ANKMY2: variants seen among roughly 807,000 people sequenced by gnomAD.
ANKMY2 encodes the protein ankyrin repeat and MYND domain containing 2, also known as ankyrin repeat and MYND domain-containing protein 2.
ANKMY2 carries 36 observed loss-of-function variants against 50.4 expected under a neutral mutation model. That is an observed-to-expected ratio of 0.71 (90% confidence interval 0.55 to 0.94). The LOEUF (loss-of-function observed/expected upper bound fraction) is 0.94, where lower values mean the gene tolerates loss of function less well. Among genes scored for constraint, ANKMY2 ranks in the 40% least tolerant of loss-of-function variants. The pLI, the probability that ANKMY2 is intolerant of heterozygous loss-of-function variation, is 0.00. For missense variants in ANKMY2, 565 were observed against 524.0 expected (o/e 1.08, Z -0.76); for synonymous variants, 187 against 178.8 (o/e 1.05, Z -0.36).
intron 8 of ANKMY2, chr7:16,603,661 C>T (rs55778183): frequency 2.1e-6 from 1 of 471,144 alleles, no homozygotes; most frequent in Non-Finnish European, 4.4e-6. Flanking sequence ...GTTCTCTGCA[C>T]TGAAGGGGAG....
chr7:16,641,376 A>C (rs1385023809), intron 1 of ANKMY2, among the ~76,000 whole-genome samples: 2 of 152,252 alleles, frequency 1.3e-5, no homozygotes, highest in East Asian at 3.8e-4. Context: ...ATCTTAAATT[A>C]GTATTACAGA....
rs779121903 is a variant in ANKMY2, at chr7:16,645,544, G to C, written c.30C>G (p.Thr10=). The C allele has an allele frequency of 6.2e-7, 1 of 1,612,052 alleles. No individual in the cohort carries two copies. The highest frequency in any genetic ancestry group is 1.1e-5 in the South Asian group (1 of 90,810). The change falls in exon 1 of 10, where the codon ACC becomes ACG. Residue 10 remains threonine (T), a synonymous_variant. Transcript: ENST00000306999. ...CTTCCAGTAGCTCCTTCTCCTCCTG[G>C]GTCAGCTCGCCTTTCTTTATGTGAA... MVHIKKGEL[T]QEEKELLEVI... is the part of the protein sequence containing the mutation.
Position 16,636,428 on chromosome 7 carries a change from A to C in ANKMY2, c.95T>G (p.Leu32Ter). 6.2e-7 allele frequency: 1 copy of C among 1,602,846 alleles called. No homozygotes were observed. ...KGTVQEAGTL[L>*]SSKNVRVNCL... ...GTTGACACGAACATTCTTGCTGGATAATAATGTTCCAGCTTCTTGGACAGT... is the reference window on the plus strand; with the variant it reads ...GTTGACACGAACATTCTTGCTGGATCATAATGTTCCAGCTTCTTGGACAGT... The change falls in exon 2 of 10, where the codon TTA becomes TGA. Residue 32 changes from leucine to a stop codon, truncating the protein, a stop_gained. Transcript: ENST00000306999. LOFTEE classifies it high-confidence loss of function.
At chr7:16,614,998 G>A (rs1781318241) in intron 5 of ANKMY2, among the ~76,000 whole-genome samples, 1 of 152,088 alleles carries the variant, frequency 6.6e-6, no homozygotes, top group African/African-American at 2.4e-5. Flanking sequence ...AACAGCAAAA[G>A]CCTGTATTTT....
chr7:16,613,571 A>G (rs1434836320), intron 5 of ANKMY2, among the ~76,000 whole-genome samples: 3 of 152,194 alleles, frequency 2.0e-5, no homozygotes, highest in African/African-American at 7.2e-5. Context: ...TATGTAGTCT[A>G]TTTCAGACTA....
At position 16,600,765 on chromosome 7, in the gene ANKMY2, T is replaced by A; in HGVS notation, c.1322A>T (p.Glu441Val). 1 of 1,603,674 alleles carries A rather than the reference T, an allele frequency of 6.2e-7. No homozygotes were observed. The highest frequency in any genetic ancestry group is 8.5e-7 in the Non-Finnish European group (1 of 1,175,318). Residue 441 changes from glutamate to valine, a missense_variant, in exon 10 of 10, where the codon GAG becomes GTG. Glu to Val is a moderately radical substitution (Grantham distance 121). Coordinates refer to ENST00000306999, the MANE Select transcript of ANKMY2 (RefSeq NM_020319.3). ...CACTGGCACTTGCTCTGGCTTTTACTCCTCAGACACCTGTGGCCCTGCAGG... is the reference window on the plus strand; with the variant it reads ...CACTGGCACTTGCTCTGGCTTTTACACCTCAGACACCTGTGGCCCTGCAGG... ...DAPAGPQVSE[E>V]
intron 1 of ANKMY2, among the ~76,000 whole-genome samples, chr7:16,643,051 T>C (rs1366966784): frequency 2.0e-5 from 3 of 152,214 alleles, no homozygotes; most frequent in Non-Finnish European, 4.4e-5. Context: ...ACTATATTTA[T>C]CACAAACACA....
intron 4 of ANKMY2, among the ~76,000 whole-genome samples, 190 bp downstream of exon 4, chr7:16,624,793 T>C (rs966280775): frequency 3.9e-5 from 6 of 152,220 alleles, no homozygotes; most frequent in Admixed American, 2.6e-4. Flanking sequence ...TTTGAAAAAG[T>C]GGAAATTCGA....
chr7:16,602,551 G>A (rs543558599), intron 8 of ANKMY2, 42 bp from the exon 9 acceptor site: 1 of 1,589,012 alleles, frequency 6.3e-7, no homozygotes, highest in South Asian at 1.2e-5. Context: ...CAGAGCTTGG[G>A]TTGTATGATT....
intron 4 of ANKMY2, among the ~76,000 whole-genome samples, chr7:16,619,675 A>G (rs1416765270): frequency 2.0e-5 from 3 of 152,096 alleles, no homozygotes; most frequent in Non-Finnish European, 4.4e-5. Flanking sequence ...TTTTAAATTT[A>G]TAAATTCTGA....
chr7:16,626,871 ATAATT>A (rs1038717854), intron 3 of ANKMY2, among the ~76,000 whole-genome samples, 164 bp downstream of exon 3: 26 of 152,372 alleles, frequency 1.7e-4, no homozygotes, highest in African/African-American at 6.0e-4. Flanking sequence ...AATTCACTAT[ATAATT>A]TATTTCCTGC....
intron 2 of ANKMY2, among the ~76,000 whole-genome samples, chr7:16,632,662 A>T (rs1781605471): frequency 6.6e-6 from 1 of 152,240 alleles, no homozygotes; most frequent in Non-Finnish European, 1.5e-5. Context: ...TCAGTTGAAC[A>T]TTTGGGTTGT....
chr7:16,606,135 A>G (rs959089147), intron 7 of ANKMY2, among the ~76,000 whole-genome samples: 2 of 152,016 alleles, frequency 1.3e-5, no homozygotes, highest in African/African-American at 4.8e-5. Context: ...TTTTTTACAA[A>G]GAAAATTATA....
At chr7:16,615,990 G>C in intron 4 of ANKMY2, 86 bp from the exon 5 acceptor site, 2 of 1,323,348 alleles carry the variant, frequency 1.5e-6, no homozygotes, top group Non-Finnish European at 2.1e-6. Flanking sequence ...TGCTATTTTT[G>C]TGATGTAAAC....
At chr7:16,643,910 C>T (rs1164608552) in intron 1 of ANKMY2, among the ~76,000 whole-genome samples, 3 of 151,868 alleles carry the variant, frequency 2.0e-5, no homozygotes, top group Non-Finnish European at 4.4e-5. Flanking sequence ...CATGGTGGCT[C>T]GCACCTGTAG....
At position 16,612,827 on chromosome 7, in the gene ANKMY2, A is replaced by G. The variant is rs1369469450; in HGVS notation, c.532-2064T>C. Among the ~76,000 whole-genome samples the G allele has an allele frequency of 3.3e-5, 5 of 152,350 alleles. No homozygotes were observed. In the East Asian group the frequency reaches 9.6e-4, roughly 29 times the overall value. The stretch of plus-strand genomic sequence containing the variant: ...TTCCTTAATCTCTGCAGCATTATGA[A>G]GTAATATATTATAAAGGAAATCCTT... On this transcript the variant is annotated intron_variant, in intron 5 of 9. Transcript: ENST00000306999.
intron 4 of ANKMY2, among the ~76,000 whole-genome samples, chr7:16,616,341 T>A (rs1034311575): frequency 6.6e-6 from 1 of 152,184 alleles, no homozygotes; most frequent in African/African-American, 2.4e-5. Flanking sequence ...ATAATGATAA[T>A]ATTAAACTAA....
intron 9 of ANKMY2, 48 bp from the exon 10 acceptor site, chr7:16,600,993 A>G (rs567598349): frequency 4.2e-5 from 61 of 1,440,296 alleles, no homozygotes; most frequent in Non-Finnish European, 5.6e-5. Flanking sequence ...TGTGTCAGAC[A>G]CTCTTCTCAA....
chr7:16,614,197 T>C (rs1404571191), intron 5 of ANKMY2, among the ~76,000 whole-genome samples: 1 of 152,200 alleles, frequency 6.6e-6, no homozygotes, highest in Non-Finnish European at 1.5e-5. Context: ...TCAATGCTTC[T>C]CTTGGGAGTT....
Sources: gnomAD v4.1 joint callset for allele counts (sites outside exome capture counted in the v4.1 genomes callset) on GRCh38, gnomAD v4.1.1 for gene constraint, MANE v1.5 for transcripts, NCBI Gene and HGNC (gene_info 2026-07-23, HGNC 2026-07-21) for gene names.